SPAG16: variants seen among roughly 807,000 people sequenced by gnomAD.
SPAG16 encodes the protein sperm-associated antigen 16 protein.
Under a neutral mutation model 80.4 loss-of-function variants are expected in SPAG16, and 86 were observed. The ratio of observed to expected loss-of-function variants is 1.07; its 90% confidence interval spans 0.90 to 1.28. SPAG16 has a LOEUF of 1.28. SPAG16 is among the 50% of genes most tolerant of loss of function. The pLI is 0.00. For synonymous variants in SPAG16, 294 were observed against 265.9 expected (o/e 1.11, Z -1.03); for missense variants, 870 against 765.3 (o/e 1.14, Z -1.61).
At chr2:213,725,041 T>A (rs957707689) in intron 10 of SPAG16, among the ~76,000 whole-genome samples, 2 of 151,992 alleles carry the variant, frequency 1.3e-5, no homozygotes, top group African/African-American at 4.8e-5. Flanking sequence ...CTCCTTTTTT[T>A]TTTTCTTTGA....
intron 13 of SPAG16, among the ~76,000 whole-genome samples, chr2:214,084,961 A>C (rs147538727): frequency 3.9e-5 from 6 of 152,342 alleles, no homozygotes; most frequent in African/African-American, 1.2e-4. Flanking sequence ...TAGAGGTAGC[A>C]CTGAAAGACT....
At chr2:213,915,304 A>G (rs1468195793) in intron 11 of SPAG16, among the ~76,000 whole-genome samples, 1 of 144,508 alleles carries the variant, frequency 6.9e-6, no homozygotes, top group Non-Finnish European at 1.5e-5. Flanking sequence ...AGCAGGCCCC[A>G]GTGTGTGATC....
At chr2:213,979,137 G>A (rs955838778) in intron 12 of SPAG16, among the ~76,000 whole-genome samples, 1 of 151,876 alleles carries the variant, frequency 6.6e-6, no homozygotes, top group African/African-American at 2.4e-5. Context: ...ATGTAGACAG[G>A]GTGTACAGAA....
At chr2:213,784,894 G>A (rs1217002441) in intron 10 of SPAG16, among the ~76,000 whole-genome samples, 1 of 151,772 alleles carries the variant, frequency 6.6e-6, no homozygotes, top group Non-Finnish European at 1.5e-5. Flanking sequence ...AAGATTATTT[G>A]TAATTATGTT....
chr2:213,290,234 A>G (rs571655887), intron 1 of SPAG16, among the ~76,000 whole-genome samples: 21 of 152,332 alleles, frequency 1.4e-4, no homozygotes, highest in African/African-American at 4.3e-4. Flanking sequence ...AATTCATGCT[A>G]TGAAACTCAC....
chr2:214,307,535 T>C (rs1695002944), intron 15 of SPAG16, among the ~76,000 whole-genome samples: 1 of 152,122 alleles, frequency 6.6e-6, no homozygotes. Context: ...TATTTAGTGC[T>C]ATAAATTTCC....
intron 10 of SPAG16, among the ~76,000 whole-genome samples, chr2:213,544,203 T>C (rs1190962701): frequency 2.0e-5 from 3 of 152,062 alleles, no homozygotes; most frequent in African/African-American, 7.2e-5. Context: ...ATCTTGGAAA[T>C]ATTAAATTGG....
intron 3 of SPAG16, chr2:213,302,724 C>T (rs531711339): frequency 3.3e-5 from 5 of 151,632 alleles, no homozygotes; most frequent in Middle Eastern, 3.4e-3. Context: ...TTTTATTGTA[C>T]AGTATAAATA....
At chr2:213,656,833 A>G (rs1270297729) in intron 10 of SPAG16, among the ~76,000 whole-genome samples, 1 of 152,214 alleles carries the variant, frequency 6.6e-6, no homozygotes, top group African/African-American at 2.4e-5. Context: ...TTAAATATGT[A>G]TATTAGAAAG....
chr2:214,054,618 AT>A (rs533258750), intron 13 of SPAG16, among the ~76,000 whole-genome samples: 11 of 151,804 alleles, frequency 7.2e-5, no homozygotes, highest in African/African-American at 2.2e-4. Flanking sequence ...TATTTCTATA[AT>A]TTTTTTTGCT....
At chr2:213,984,043 C>T (rs967249727) in intron 12 of SPAG16, among the ~76,000 whole-genome samples, 2 of 152,060 alleles carry the variant, frequency 1.3e-5, no homozygotes, top group African/African-American at 4.8e-5. Flanking sequence ...GTGAGTAGTA[C>T]AGCATTCTTT....
At chr2:214,163,091 TG>T (rs1174337052) in intron 15 of SPAG16, among the ~76,000 whole-genome samples, 6 of 152,136 alleles carry the variant, frequency 3.9e-5, no homozygotes, top group Admixed American at 3.9e-4. Flanking sequence ...TAACCACAAA[TG>T]GTAACTAATT....
At chr2:214,219,905 C>A (rs753081033) in intron 15 of SPAG16, among the ~76,000 whole-genome samples, 1 of 152,002 alleles carries the variant, frequency 6.6e-6, no homozygotes, top group South Asian at 2.1e-4. Flanking sequence ...ACAGTATAAA[C>A]CTTATTAATA....
At chr2:213,819,630 G>A (rs1396985113) in intron 10 of SPAG16, among the ~76,000 whole-genome samples, 2 of 151,732 alleles carry the variant, frequency 1.3e-5, no homozygotes, top group African/African-American at 2.4e-5. Flanking sequence ...CTGCAGCTTT[G>A]TTCTCCTGGG....
intron 10 of SPAG16, among the ~76,000 whole-genome samples, chr2:213,574,706 T>C (rs943415558): frequency 6.7e-5 from 10 of 148,530 alleles, no homozygotes; most frequent in African/African-American, 2.0e-4. Flanking sequence ...ATATATGATA[T>C]ATGATATATA....
At chr2:214,346,275 A>G (rs1471051335) in intron 15 of SPAG16, among the ~76,000 whole-genome samples, 2 of 151,644 alleles carry the variant, frequency 1.3e-5, no homozygotes, top group Non-Finnish European at 2.9e-5. Flanking sequence ...TAACCCTTCC[A>G]GGGAGTGTGT....
intron 10 of SPAG16, among the ~76,000 whole-genome samples, chr2:213,730,754 TCTC>T (rs1437926422): frequency 6.6e-6 from 1 of 152,228 alleles, no homozygotes; most frequent in Non-Finnish European, 1.5e-5. Flanking sequence ...CTTCCAATGT[TCTC>T]CTACTCTGTT....
At chr2:213,574,538 T>G (rs2060047071) in intron 10 of SPAG16, among the ~76,000 whole-genome samples, 1 of 151,932 alleles carries the variant, frequency 6.6e-6, no homozygotes, top group Non-Finnish European at 1.5e-5. Context: ...CTGTTACACA[T>G]GAACATGTTC....
chr2:213,658,916 T>G (rs1002001245), intron 10 of SPAG16, among the ~76,000 whole-genome samples: 1 of 152,002 alleles, frequency 6.6e-6, no homozygotes, highest in African/African-American at 2.4e-5. Flanking sequence ...TGTGCCTGTA[T>G]TCCCAGCTAC....
Sources: allele counts gnomAD v4.1 joint callset (sites outside exome capture counted in the v4.1 genomes callset), GRCh38; gene constraint gnomAD v4.1.1; transcripts MANE v1.5; gene names NCBI Gene and HGNC (gene_info 2026-07-23, HGNC 2026-07-21).